Variants in HERC1 observed in about 807,000 individuals in gnomAD.
The protein encoded by HERC1 is probable E3 ubiquitin-protein ligase HERC1.
A neutral mutation model predicts 554.3 loss-of-function variants in HERC1; 160 were observed. The observed-to-expected ratio is 0.29, with a 90% CI of 0.25 to 0.33. HERC1 has a LOEUF of 0.33. Among genes scored for constraint, HERC1 ranks in the 10% least tolerant of loss-of-function variants. HERC1 has a pLI of 1.00. For synonymous variants in HERC1, 2,175 were observed against 2,131.7 expected (o/e 1.02, Z -0.56); for missense variants, 4,919 against 5,918.5 (o/e 0.83, Z 5.54).
At chr15:63,654,892 C>A (rs1215369795) in intron 50 of HERC1, among the ~76,000 whole-genome samples, 2 of 151,754 alleles carry the variant, frequency 1.3e-5, no homozygotes, top group African/African-American at 4.8e-5. Flanking sequence ...ATTTATTATA[C>A]AACAATCAAT....
At chr15:63,679,134 G>C (rs1323570915) in intron 36 of HERC1, among the ~76,000 whole-genome samples, 2 of 152,104 alleles carry the variant, frequency 1.3e-5, no homozygotes, top group African/African-American at 4.8e-5. Flanking sequence ...ATTTCTTCAA[G>C]GTTCACAGAT....
At chr15:63,831,151 G>C (rs928116440) in intron 1 of HERC1, among the ~76,000 whole-genome samples, 2 of 152,116 alleles carry the variant, frequency 1.3e-5, no homozygotes, top group Non-Finnish European at 2.9e-5. Context: ...GTGTCTCCCA[G>C]GCTGGAGTAG....
intron 36 of HERC1, among the ~76,000 whole-genome samples, chr15:63,679,181 T>C (rs1203897034): frequency 1.3e-5 from 2 of 152,178 alleles, no homozygotes; most frequent in Non-Finnish European, 2.9e-5. Context: ...AACCAGAACA[T>C]GACAGAAACT....
chr15:63,699,735 G>T (rs567474053), intron 25 of HERC1, among the ~76,000 whole-genome samples: 2 of 150,812 alleles, frequency 1.3e-5, no homozygotes, highest in South Asian at 4.2e-4. Context: ...CATTAGATTT[G>T]CCAGTGGGTA....
Position 63,775,502 on chromosome 15 carries a change from A to G in HERC1, c.122T>C (p.Leu41Pro). ...REGVAVLYSKLVSNKEVVPLP... is the reference protein window; with the variant it reads ...REGVAVLYSKPVSNKEVVPLP... ...AGGTACTACTTCCTTATTGCTAACCAGTTTAGAATACAGAACAGCAACTCC... is the reference window on the plus strand; with the variant it reads ...AGGTACTACTTCCTTATTGCTAACCGGTTTAGAATACAGAACAGCAACTCC... Residue 41 changes from leucine to proline, a missense_variant, in exon 2 of 78, where the codon CTG becomes CCG. Leu to Pro is a moderately conservative substitution (Grantham distance 98). This residue lies in a region of HERC1 where 110 missense variants were observed against 99.3 expected (regional missense o/e 1.11). Transcript: ENST00000443617. The surrounding 1 kb of genome is among the most constrained non-coding windows in gnomAD (Gnocchi z 4.0). 6.2e-7 allele frequency: 1 copy of G among 1,613,994 alleles called. No homozygotes were observed. Among genetic ancestry groups the G allele is most frequent in the Non-Finnish European group, 8.5e-7 (1 of 1,179,860 alleles).
At chr15:63,644,206 T>G (rs530493349) in intron 57 of HERC1, among the ~76,000 whole-genome samples, 1 of 152,210 alleles carries the variant, frequency 6.6e-6, no homozygotes, top group Non-Finnish European at 1.5e-5. Flanking sequence ...CATAATACTA[T>G]ATGTATTCAC....
At chr15:63,684,491 C>G (rs2071639900) in intron 34 of HERC1, among the ~76,000 whole-genome samples, 1 of 152,206 alleles carries the variant, frequency 6.6e-6, no homozygotes, top group South Asian at 2.1e-4. Flanking sequence ...AACTCTTCCT[C>G]TTGCATCCAA....
At chr15:63,613,611 T>C (rs992032737) in intron 76 of HERC1, among the ~76,000 whole-genome samples, 2 of 152,060 alleles carry the variant, frequency 1.3e-5, no homozygotes, top group Non-Finnish European at 2.9e-5. Flanking sequence ...TTACTATCTA[T>C]ATGCATATCC....
intron 1 of HERC1, among the ~76,000 whole-genome samples, chr15:63,798,902 A>C (rs1398451863): frequency 9.2e-5 from 14 of 152,238 alleles, no homozygotes; most frequent in African/African-American, 2.4e-4. Flanking sequence ...TGGATTTATA[A>C]ATAAGATATT....
chr15:63,628,283 T>C (rs1566952216), intron 70 of HERC1, among the ~76,000 whole-genome samples: 1 of 151,952 alleles, frequency 6.6e-6, no homozygotes, highest in Non-Finnish European at 1.5e-5. Context: ...TCCCAGCTAC[T>C]TGGGAGGCTG....
chr15:63,784,361 G>T (rs1029980020), intron 1 of HERC1, among the ~76,000 whole-genome samples: 1 of 152,056 alleles, frequency 6.6e-6, no homozygotes, highest in East Asian at 1.9e-4. Flanking sequence ...CAATCTCCAA[G>T]ATACACTGTT....
chr15:63,747,776 A>G lies in HERC1; in HGVS notation c.2302T>C (p.Tyr768His). ...ATCTCACTGTTTATTTTATCACAGTATCTCTCAAGAAAAGAACGCAGGTGT... is the reference window on the plus strand; with the variant it reads ...ATCTCACTGTTTATTTTATCACAGTGTCTCTCAAGAAAAGAACGCAGGTGT... ...FSHLRSFLER[Y>H]CDKINSEIPP... Residue 768 changes from tyrosine to histidine, a missense_variant, in exon 11 of 78, where the codon TAC becomes CAC. By Grantham distance (83) the Tyr-to-His change is moderately conservative. This residue lies in a region of HERC1 where 744 missense variants were observed against 1,090.0 expected (regional missense o/e 0.68). Transcript: ENST00000443617. The G allele has an allele frequency of 6.4e-7, 1 of 1,551,104 alleles. No individual in the cohort carries two copies. Among genetic ancestry groups the G allele is most frequent in the Non-Finnish European group, 8.7e-7 (1 of 1,146,444 alleles).
At chr15:63,635,033 A>G (rs965115534) in intron 65 of HERC1, 145 bp from the exon 66 acceptor site, 1 of 481,582 alleles carries the variant, frequency 2.1e-6, no homozygotes, top group Non-Finnish European at 3.5e-6. Flanking sequence ...GCTTTTAAAA[A>G]TTTTTTTTTT....
chr15:63,764,257 A>C, intron 2 of HERC1, 66 bp from the exon 3 acceptor site: 2 of 1,068,896 alleles, frequency 1.9e-6, no homozygotes, highest in East Asian at 2.6e-5. Flanking sequence ...AAATTAGTTA[A>C]ACAGTCTACA....
At chr15:63,703,357 AAGGAGGAGCCTTTGC>A (rs1484760929) in intron 25 of HERC1, among the ~76,000 whole-genome samples, 2 of 152,248 alleles carry the variant, frequency 1.3e-5, no homozygotes, top group Non-Finnish European at 1.5e-5. Flanking sequence ...GGGCCCTCTC[AAGGAGGAGCCTTTGC>A]AGGCATGGAA....
chr15:63,745,253 T>C (rs959725262), intron 12 of HERC1, among the ~76,000 whole-genome samples: 14 of 152,300 alleles, frequency 9.2e-5, no homozygotes, highest in African/African-American at 3.4e-4. Context: ...CTCCCTTGGT[T>C]ACCCCAGCTG....
chr15:63,782,911 G>A (rs1048681435), intron 1 of HERC1, among the ~76,000 whole-genome samples: 1 of 152,196 alleles, frequency 6.6e-6, no homozygotes, highest in Non-Finnish European at 1.5e-5. Context: ...AATAGCAAGA[G>A]AAGTAGAATT....
At chr15:63,723,681 T>C (rs2073918304) in intron 18 of HERC1, among the ~76,000 whole-genome samples, 1 of 152,194 alleles carries the variant, frequency 6.6e-6, no homozygotes, top group African/African-American at 2.4e-5. Flanking sequence ...GTCCTACACG[T>C]GCAATGGTCT....
intron 68 of HERC1, 189 bp from the exon 69 acceptor site, chr15:63,630,824 T>G (rs984168395): frequency 1.2e-5 from 6 of 507,404 alleles, no homozygotes; most frequent in African/African-American, 1.2e-4. Flanking sequence ...GTGAAGCTGT[T>G]TCTCTGCAAA....
Sources: gnomAD v4.1 joint callset for allele counts (sites outside exome capture counted in the v4.1 genomes callset) on GRCh38, gnomAD v4.1.1 for gene constraint, gnomAD v4.1.1 regional missense constraint, Gnocchi (gnomAD v3.1) non-coding constraint, MANE v1.5 for transcripts, NCBI Gene and HGNC (gene_info 2026-07-23, HGNC 2026-07-21) for gene names.